Variants in UGT1A3 observed in about 807,000 individuals in gnomAD.
UGT1A3 encodes UDP-glucuronosyltransferase 1A3.
In UGT1A3, 31 loss-of-function variants were observed where a neutral mutation model predicts 41.0. The ratio of observed to expected loss-of-function variants is 0.76; its 90% CI spans 0.57 to 1.02. The LOEUF (loss-of-function observed/expected upper bound fraction) is 1.02, where lower values mean the gene tolerates loss of function less well. Ranked by LOEUF, UGT1A3 falls within the 50% of genes least tolerant of loss-of-function variation. The pLI, the probability that UGT1A3 is intolerant of heterozygous loss-of-function variation, is 0.00. For missense variants in UGT1A3, 737 were observed against 671.0 expected, an observed-to-expected ratio of 1.10 and a Z score of -1.09; for synonymous variants, 262 against 257.6, an observed-to-expected ratio of 1.02 and a Z score of -0.17.
chr2:233,766,749 C>T (rs756688417), intron 1 of UGT1A3, among the ~76,000 whole-genome samples: 1 of 152,132 alleles, frequency 6.6e-6, no homozygotes, highest in Non-Finnish European at 1.5e-5. Context: ...CAGGTGTGTG[C>T]ATGTGTGTGC....
chr2:233,745,337 C>G lies in UGT1A3; in HGVS notation c.867+15344C>G, dbSNP rs1050113231. Reference sequence around the variant, plus strand: ...TCCACTAGAACTGCTATATCATGACCATGAATTTTGGGGGAATTTTTTTGA... The same window carrying G: ...TCCACTAGAACTGCTATATCATGACGATGAATTTTGGGGGAATTTTTTTGA... On this transcript the variant is annotated intron_variant, in intron 1 of 4. Coordinates refer to ENST00000482026, the MANE Select transcript of UGT1A3 (RefSeq NM_019093.4). 2.3e-4 allele frequency among the ~76,000 whole-genome samples: 35 copies of G among 151,944 alleles called. 1 individual carries two copies. Among genetic ancestry groups the G allele is most frequent in the African/African-American group, 8.2e-4 (34 of 41,228 alleles).
chr2:233,751,854 T>C (rs1435480079), intron 1 of UGT1A3, among the ~76,000 whole-genome samples: 3 of 152,196 alleles, frequency 2.0e-5, no homozygotes, highest in Non-Finnish European at 4.4e-5. Context: ...TAAACCTTTG[T>C]CTTTTATAAA....
At chr2:233,731,107 A>G (rs1222432137) in intron 1 of UGT1A3, among the ~76,000 whole-genome samples, 2 of 151,962 alleles carry the variant, frequency 1.3e-5, no homozygotes, top group Admixed American at 6.6e-5. Flanking sequence ...CTTTTTTATA[A>G]ATGTAGGTAT....
intron 1 of UGT1A3, among the ~76,000 whole-genome samples, chr2:233,762,777 G>A (rs1698161345): frequency 6.7e-6 from 1 of 149,832 alleles, no homozygotes; most frequent in Non-Finnish European, 1.5e-5. Flanking sequence ...ATCTCTAGCT[G>A]ATTATCTACT....
Position 233,729,215 on chromosome 2 carries a change from A to G in UGT1A3, c.89A>G (p.Lys30Arg), listed in dbSNP as rs766332130. 6.2e-7 allele frequency: 1 copy of G among 1,614,066 alleles called. No homozygotes were observed. Among genetic ancestry groups the G allele is most frequent in the Non-Finnish European group, 8.5e-7 (1 of 1,179,944 alleles). The change falls in exon 1 of 5, where the codon AAG becomes AGG. Residue 30 changes from lysine to arginine, a missense_variant. Physicochemically the swap from Lys to Arg is conservative, Grantham distance 26 (BLOSUM62 2). Coordinates refer to ENST00000482026, the MANE Select transcript of UGT1A3 (RefSeq NM_019093.4). ...LSVQPWAESGKVLVVPIDGSH... is the reference protein window; with the variant it reads ...LSVQPWAESGRVLVVPIDGSH... The stretch of plus-strand genomic sequence containing the variant: ...GTCCAGCCCTGGGCTGAGAGTGGAA[A>G]GGTGTTGGTGGTGCCCATTGATGGC...
chr2:233,751,206 C>G (rs1365392073), intron 1 of UGT1A3, among the ~76,000 whole-genome samples: 1 of 151,962 alleles, frequency 6.6e-6, no homozygotes, highest in Non-Finnish European at 1.5e-5. Flanking sequence ...AATTTTGGAG[C>G]TTTAAGATTT....
intron 1 of UGT1A3, chr2:233,747,578 G>A: frequency 6.3e-7 from 1 of 1,584,344 alleles, no homozygotes; most frequent in Non-Finnish European, 8.7e-7. Flanking sequence ...ATTCATCTTT[G>A]GTCTTTCATA....
At chr2:233,761,114 G>A (rs570314042) in intron 1 of UGT1A3, 1 of 1,614,204 alleles carries the variant, frequency 6.2e-7, no homozygotes, top group South Asian at 1.1e-5. Context: ...GTTTTTGTTG[G>A]TGGAATCAAC....
chr2:233,749,412 T>C lies in UGT1A3; in HGVS notation c.868-17622T>C, dbSNP rs1409999979. 3.9e-5 allele frequency among the ~76,000 whole-genome samples: 6 copies of C among 151,952 alleles called. No individual in the cohort carries two copies. The East Asian group carries it at 1.2e-3, about 29-fold the overall frequency. On this transcript the variant is annotated intron_variant, in intron 1 of 4. Transcript: ENST00000482026. ...TGTGAACATATTCTCTAGTGTTAACTACATTGCTCAAAACTTCACTGTCAT... is the reference window on the plus strand; with the variant it reads ...TGTGAACATATTCTCTAGTGTTAACCACATTGCTCAAAACTTCACTGTCAT...
chr2:233,729,157 T>C lies in UGT1A3; in HGVS notation c.31T>C (p.Trp11Arg), dbSNP rs3821242. MATGLQVPLP[W>R]LATGLLLLLS... The stretch of plus-strand genomic sequence containing the variant: ...CACAGGACTCCAGGTTCCCCTGCCG[T>C]GGCTGGCCACAGGACTGCTGCTTCT... The change falls in exon 1 of 5, where the codon TGG (tryptophan) becomes CGG (arginine). Residue 11 changes from tryptophan to arginine, a missense_variant. Physicochemically the swap from Trp to Arg is moderately radical, Grantham distance 101. Transcript: ENST00000482026. The C allele has an allele frequency of 0.46, 737,600 of 1,613,154 alleles. 172,577 individuals are homozygous for C. Among genetic ancestry groups the C allele is most frequent in the African/African-American group, 0.64 (47,905 of 74,932 alleles).
At chr2:233,746,150 G>A (rs1029682140) in intron 1 of UGT1A3, among the ~76,000 whole-genome samples, 1 of 151,866 alleles carries the variant, frequency 6.6e-6, no homozygotes, top group African/African-American at 2.4e-5. Flanking sequence ...GTGATAGCAT[G>A]ATTCCAAAGC....
chr2:233,755,086 G>A (rs1190713460), intron 1 of UGT1A3: 3 of 1,335,468 alleles, frequency 2.2e-6, no homozygotes, highest in Non-Finnish European at 3.0e-6. Flanking sequence ...TAGATATCGC[G>A]TTTCTACGCG....
At chr2:233,737,384 T>C (rs375300244) in intron 1 of UGT1A3, among the ~76,000 whole-genome samples, 6 of 152,362 alleles carry the variant, frequency 3.9e-5, no homozygotes, top group African/African-American at 1.4e-4. Context: ...GAGAATCTCC[T>C]TGTCTGCCAG....
chr2:233,729,974 A>G lies in UGT1A3; in HGVS notation c.848A>G (p.Asn283Ser), dbSNP rs779334131. ...TTCATTGGGGGCATCAACTGTGCCA[A>G]CAGGAAGCCACTATCTCAGGTCTGT... ...MVFIGGINCA[N>S]RKPLSQEFEA... The change falls in exon 1 of 5, where the codon AAC becomes AGC. Residue 283 changes from asparagine to serine, a missense_variant. Coordinates refer to ENST00000482026, the MANE Select transcript of UGT1A3 (RefSeq NM_019093.4). 3 of 1,614,082 alleles carry G rather than the reference A, an allele frequency of 1.9e-6. No individual in the cohort carries two copies. Among genetic ancestry groups the G allele is most frequent in the Non-Finnish European group, 2.5e-6 (3 of 1,179,926 alleles).
chr2:233,750,415 A>C (rs2885296), intron 1 of UGT1A3, among the ~76,000 whole-genome samples: 45,966 of 151,754 alleles, frequency 0.3, 7,352 homozygotes, highest in South Asian at 0.39. Context: ...CATGTGGTAG[A>C]AAAGAAAAAC....
At chr2:233,751,309 A>G (rs1694697613) in intron 1 of UGT1A3, among the ~76,000 whole-genome samples, 1 of 151,862 alleles carries the variant, frequency 6.6e-6, no homozygotes, top group African/African-American at 2.4e-5. Context: ...ATATTTACCC[A>G]ATTTCTGTAC....
chr2:233,736,519 G>A (rs746723553), intron 1 of UGT1A3, among the ~76,000 whole-genome samples: 27 of 152,186 alleles, frequency 1.8e-4, no homozygotes, highest in African/African-American at 5.3e-4. Context: ...CTGTCAACTC[G>A]TCAAAGTCAT....
At position 233,729,744 on chromosome 2, in the gene UGT1A3, A is replaced by G; in HGVS notation, c.618A>G (p.Thr206=). The stretch of plus-strand genomic sequence containing the variant: ...TAACAACCAATTCAGACCACATGAC[A>G]TTCATGCAAAGGGTCAAGAACATGC... ...RLLTTNSDHM[T]FMQRVKNMLY... is the part of the protein sequence containing the mutation. Residue 206 remains threonine, a synonymous_variant, in exon 1 of 5, where the codon ACA becomes ACG. Transcript: ENST00000482026. 1.2e-6 allele frequency: 2 copies of G among 1,613,946 alleles called. No individual in the cohort carries two copies. Among genetic ancestry groups the G allele is most frequent in the South Asian group, 2.2e-5 (2 of 91,060 alleles).
chr2:233,765,956 G>A (rs1699007626), intron 1 of UGT1A3, among the ~76,000 whole-genome samples: 1 of 152,142 alleles, frequency 6.6e-6, no homozygotes, highest in African/African-American at 2.4e-5. Flanking sequence ...CTCACCGGCA[G>A]TGTCTAGAGG....
Sources: allele counts gnomAD v4.1 joint callset (sites outside exome capture counted in the v4.1 genomes callset), GRCh38; gene constraint gnomAD v4.1.1; transcripts MANE v1.5; gene names NCBI Gene and HGNC (gene_info 2026-07-23, HGNC 2026-07-21).